CDKL4: variants seen among roughly 807,000 people sequenced by gnomAD.
CDKL4 encodes the protein cyclin-dependent kinase-like 4.
Under a neutral mutation model 42.0 loss-of-function variants are expected in CDKL4, and 44 were observed. That is an observed-to-expected ratio of 1.05 (90% CI 0.82 to 1.35). The LOEUF is 1.35. CDKL4 is among the 40% of genes most tolerant of loss of function. CDKL4 has a pLI of 0.00. For synonymous variants in CDKL4, 120 were observed against 121.6 expected, an observed-to-expected ratio of 0.99 and a Z score of 0.09; for missense variants, 393 against 369.9, an observed-to-expected ratio of 1.06 and a Z score of -0.51.
At chr2:39,174,131 G>A (rs1675075889), downstream of CDKL4, among the ~76,000 whole-genome samples, 1 of 152,076 alleles carries the variant, frequency 6.6e-6, no homozygotes, top group Non-Finnish European at 1.5e-5. Context: ...CTTGCTGGGC[G>A]TGTTGGCGCA....
chr2:39,186,271 G>C (rs1277655800), intron 7 of CDKL4, among the ~76,000 whole-genome samples: 1 of 152,082 alleles, frequency 6.6e-6, no homozygotes, highest in East Asian at 1.9e-4. Flanking sequence ...TGAAATAATT[G>C]ATTTAAAATG....
chr2:39,212,174 C>G (rs1677623725), intron 4 of CDKL4, among the ~76,000 whole-genome samples: 1 of 152,046 alleles, frequency 6.6e-6, no homozygotes. Context: ...TTTAACAAGC[C>G]CTCCTTGTGA....
rs1679049245 is a variant in CDKL4, at chr2:39,230,770, C to A, written c.-56-1182G>T. Among the ~76,000 whole-genome samples the A allele has an allele frequency of 2.0e-5, 3 of 152,036 alleles. No homozygotes were observed. The South Asian group carries it at 6.2e-4, about 32-fold the overall frequency. On this transcript the variant is annotated intron_variant, in intron 1 of 9. Coordinates refer to ENST00000451199, the Ensembl canonical transcript of CDKL4. Reference sequence around the variant, plus strand: ...ATTACATAGAATGTGCACAAATATTCTATGAAGTAGGTGTTATTTTTATCC... The same window carrying A: ...ATTACATAGAATGTGCACAAATATTATATGAAGTAGGTGTTATTTTTATCC...
chr2:39,170,957 A>T (rs185714730), downstream of CDKL4, among the ~76,000 whole-genome samples: 1 of 152,220 alleles, frequency 6.6e-6, no homozygotes, highest in Admixed American at 6.5e-5. Context: ...AGCACAAAAC[A>T]TCTTCAGGTC....
rs1675259343 is a variant in CDKL4, at chr2:39,178,495, T to TGAG, written c.927+691_927+692insCTC. On this transcript the variant is annotated intron_variant, in intron 9 of 9. Transcript: ENST00000451199. ...GTCAGATACTGTTTTAGGTGCCGGG[T>TGAG]TTACAAGGTGAGAAAAAGCCCTGAA... 4 of 1,461,016 alleles carry TGAG rather than the reference T, an allele frequency of 2.7e-6. No individual in the cohort carries two copies. The Admixed American group carries it at 8.0e-5, about 29-fold the overall frequency. The allele number at this position is 1,461,016 out of a possible 1,614,324, so 90.5% of individuals were successfully genotyped here.
chr2:39,181,346 T>C (rs191296752), intron 8 of CDKL4, among the ~76,000 whole-genome samples: 1 of 152,278 alleles, frequency 6.6e-6, no homozygotes, highest in East Asian at 1.9e-4. Context: ...TAGCCACCCC[T>C]TTTTTTCTCA....
chr2:39,196,346 T>G (rs1324297111), intron 5 of CDKL4, among the ~76,000 whole-genome samples: 1 of 152,188 alleles, frequency 6.6e-6, no homozygotes, highest in African/African-American at 2.4e-5. Flanking sequence ...ATCACGGGAC[T>G]CTTTGCAGAC....
upstream of CDKL4, among the ~76,000 whole-genome samples, chr2:39,245,798 C>T (rs2148420706): frequency 6.6e-6 from 1 of 152,300 alleles, no homozygotes; most frequent in East Asian, 1.9e-4. Context: ...TTTAATTATC[C>T]AAATACCTTT....
At chr2:39,231,654 T>C (rs924585402) in intron 1 of CDKL4, among the ~76,000 whole-genome samples, 4 of 148,854 alleles carry the variant, frequency 2.7e-5, no homozygotes, top group African/African-American at 1.0e-4. Context: ...TTTTTACCTA[T>C]GTATTATTAT....
At position 39,204,908 on chromosome 2, in the gene CDKL4, G is replaced by A. The variant is rs193130938; in HGVS notation, c.364-291C>T. On this transcript the variant is annotated intron_variant, in intron 4 of 9. Transcript: ENST00000451199. ...AGAAGGGATTTTCAGACTGGGTGTGGTGGCTCATGTCCATAATCCCAGCAC... is the reference window on the plus strand; with the variant it reads ...AGAAGGGATTTTCAGACTGGGTGTGATGGCTCATGTCCATAATCCCAGCAC... 6.0e-5 allele frequency among the ~76,000 whole-genome samples: 9 copies of A among 151,228 alleles called. 1 individual carries two copies. Among genetic ancestry groups the A allele is most frequent in the African/African-American group, 2.2e-4 (9 of 41,180 alleles).
intron 3 of CDKL4, among the ~76,000 whole-genome samples, chr2:39,219,283 C>A (rs916306742): frequency 3.3e-5 from 5 of 152,126 alleles, no homozygotes; most frequent in African/African-American, 1.2e-4. Flanking sequence ...ATGTGGGAAA[C>A]AATCCAAGGC....
intron 5 of CDKL4, among the ~76,000 whole-genome samples, chr2:39,199,828 G>T (rs1272400643): frequency 6.6e-6 from 1 of 151,986 alleles, no homozygotes; most frequent in Non-Finnish European, 1.5e-5. Context: ...AGCACAGAAG[G>T]GACATATCTT....
chr2:39,193,151 G>A (rs940450057), intron 5 of CDKL4, among the ~76,000 whole-genome samples: 2 of 142,960 alleles, frequency 1.4e-5, no homozygotes, highest in African/African-American at 2.6e-5. Flanking sequence ...AAAAAAAAAG[G>A]AGCCAGGTTT....
chr2:39,183,204 T>C (rs1008815324), intron 8 of CDKL4, among the ~76,000 whole-genome samples: 1 of 151,712 alleles, frequency 6.6e-6, no homozygotes, highest in Admixed American at 6.6e-5. Flanking sequence ...CACTCGAACC[T>C]GGTTGGCGGA....
At chr2:39,239,757 G>A (rs1329951709) in intron 1 of CDKL4, among the ~76,000 whole-genome samples, 2 of 152,228 alleles carry the variant, frequency 1.3e-5, no homozygotes, top group East Asian at 3.9e-4. Flanking sequence ...ATGTAAAGCA[G>A]CACAGCTCCA....
exon 6 of CDKL4, chr2:39,190,400 GCCCATATAT>G: frequency 6.2e-7 from 1 of 1,613,998 alleles, no homozygotes; most frequent in Non-Finnish European, 8.5e-7. Flanking sequence ...ACAACCAATA[GCCCATATAT>G]CGACTGAAGA....
upstream of CDKL4, among the ~76,000 whole-genome samples, chr2:39,244,945 C>T (rs1679846987): frequency 6.6e-6 from 1 of 152,118 alleles, no homozygotes; most frequent in African/African-American, 2.4e-5. Context: ...TACTCTGTAT[C>T]TAACTGATCT....
At chr2:39,209,551 A>C (rs894897111) in intron 4 of CDKL4, among the ~76,000 whole-genome samples, 1 of 152,220 alleles carries the variant, frequency 6.6e-6, no homozygotes, top group Non-Finnish European at 1.5e-5. Flanking sequence ...TCTGGTTAAA[A>C]TGCAGACTCT....
At position 39,215,754 on chromosome 2, in the gene CDKL4, C is replaced by T. The variant is rs545789993; in HGVS notation, c.291-2282G>A. 8.5e-5 allele frequency among the ~76,000 whole-genome samples: 13 copies of T among 152,310 alleles called. No homozygotes were observed. The South Asian group carries it at 1.0e-3, about 12-fold the overall frequency. On this transcript the variant is annotated intron_variant, in intron 3 of 9. Coordinates refer to ENST00000451199, the Ensembl canonical transcript of CDKL4. The stretch of plus-strand genomic sequence containing the variant: ...GCAGAGAAACAGCAAGTGATGTACA[C>T]GGTATTTTCCTCAGAGCAGTTTCCT...
Sources: gnomAD v4.1 joint callset for allele counts (sites outside exome capture counted in the v4.1 genomes callset) on GRCh38, gnomAD v4.1.1 for gene constraint, MANE v1.5 for transcripts, NCBI Gene and HGNC (gene_info 2026-07-23, HGNC 2026-07-21) for gene names.